LRRC20: variants seen among roughly 807,000 people sequenced by gnomAD.
The protein encoded by LRRC20 is leucine-rich repeat-containing protein 20.
LRRC20 carries 11 observed loss-of-function variants against 14.4 expected under a neutral mutation model. The ratio of observed to expected loss-of-function variants is 0.77; its 90% confidence interval spans 0.48 to 1.27. The LOEUF (loss-of-function observed/expected upper bound fraction) is 1.27. Ranked by LOEUF, LRRC20 falls within the 50% of genes most tolerant of loss-of-function variation. The pLI, the probability that LRRC20 is intolerant of heterozygous loss-of-function variation, is 0.00. For synonymous variants in LRRC20, 121 were observed against 107.3 expected (o/e 1.13, Z -0.79); for missense variants, 219 against 251.2 (o/e 0.87, Z 0.87).
chr10:70,319,984 C>T (rs1235014966), intron 4 of LRRC20, among the ~76,000 whole-genome samples: 1 of 152,154 alleles, frequency 6.6e-6, no homozygotes, highest in African/African-American at 2.4e-5. Context: ...CCCCTTGACC[C>T]ACTCTGCTTC....
intron 4 of LRRC20, among the ~76,000 whole-genome samples, chr10:70,302,279 C>T (rs1254670128): frequency 6.6e-6 from 1 of 151,870 alleles, no homozygotes; most frequent in African/African-American, 2.4e-5. Flanking sequence ...CACCACTGCA[C>T]TCCAGCCTGG....
chr10:70,378,698 G>A (rs1056932692), intron 1 of LRRC20, among the ~76,000 whole-genome samples: 1 of 150,056 alleles, frequency 6.7e-6, no homozygotes, highest in African/African-American at 2.5e-5. Context: ...CTTGAACCCA[G>A]GAGGCAGAGG....
At chr10:70,372,644 A>T (rs192912400) in intron 2 of LRRC20, among the ~76,000 whole-genome samples, 2 of 151,828 alleles carry the variant, frequency 1.3e-5, no homozygotes, top group South Asian at 2.1e-4. Context: ...GGGTTTCACC[A>T]TGTTAGCCAG....
intron 3 of LRRC20, among the ~76,000 whole-genome samples, chr10:70,336,171 T>G (rs1038307405): frequency 1.3e-5 from 2 of 152,160 alleles, no homozygotes; most frequent in African/African-American, 2.4e-5. Context: ...CTGAGCACCT[T>G]GTGAATTTGG....
In LRRC20 at chr10:70,367,631, T is replaced by C. The variant is rs575314407; in HGVS notation, c.82+8821A>G. On this transcript the variant is annotated intron_variant, in intron 2 of 4. Transcript: ENST00000446961. ...TATTTACTCTATCATTCCATTTCCATGATATCCTAGAAAAGGCAAAACCAC... is the reference window on the plus strand; with the variant it reads ...TATTTACTCTATCATTCCATTTCCACGATATCCTAGAAAAGGCAAAACCAC... 9.2e-5 allele frequency among the ~76,000 whole-genome samples: 14 copies of C among 152,168 alleles called. No homozygotes were observed. The East Asian group carries it at 2.5e-3, about 27-fold the overall frequency.
chr10:70,301,269 CTTGG>C lies in LRRC20; in HGVS notation c.*81_*84del. The C allele has an allele frequency of 1.3e-6, 2 of 1,507,844 alleles. No homozygotes were observed. The highest frequency in any genetic ancestry group is 2.0e-5 in the Admixed American group (1 of 49,548). 93.4% of individuals were successfully genotyped at this position (1,507,844 alleles called of 1,614,324 possible). On this transcript the variant is annotated 3_prime_UTR_variant, in exon 5 of 5. Transcript: ENST00000446961. ...GGCCCACCCGCCCCCAGCCCCCAGG[CTTGG>C]CCTCCCATGGGCCTCCCTCCCTTCC...
chr10:70,321,893 C>T (rs1202274613), intron 4 of LRRC20, among the ~76,000 whole-genome samples: 1 of 152,210 alleles, frequency 6.6e-6, no homozygotes, highest in Admixed American at 6.5e-5. Flanking sequence ...AAGTAAGATG[C>T]TTCCACATGT....
chr10:70,366,095 A>AC lies in LRRC20; in HGVS notation c.82+10356_82+10357insG, dbSNP rs1197463289. Among the ~76,000 whole-genome samples, 80 of 148,404 alleles carry AC rather than the reference A, an allele frequency of 5.4e-4. 3 individuals are homozygous for AC. The highest frequency in any genetic ancestry group is 8.5e-4 in the South Asian group (4 of 4,680). ...AAAAAAAAAAAAAAAAACAACAACA[A>AC]AAAACGAATGGATAGCCAACAAGCA... On this transcript the variant is annotated intron_variant, in intron 2 of 4. Coordinates refer to ENST00000446961, the MANE Select transcript of LRRC20 (RefSeq NM_001278212.2).
chr10:70,365,813 G>A (rs1843965763), intron 2 of LRRC20, among the ~76,000 whole-genome samples: 1 of 152,216 alleles, frequency 6.6e-6, no homozygotes, highest in South Asian at 2.1e-4. Flanking sequence ...GCTCACGCCT[G>A]TAATCCCAGC....
At chr10:70,322,759 ACC>A (rs902900745) in intron 4 of LRRC20, among the ~76,000 whole-genome samples, 1 of 152,058 alleles carries the variant, frequency 6.6e-6, no homozygotes, top group African/African-American at 2.4e-5. Flanking sequence ...TCACTGTGCA[ACC>A]CGATGCACTC....
chr10:70,370,735 T>C (rs2137151524), intron 2 of LRRC20, among the ~76,000 whole-genome samples: 1 of 150,688 alleles, frequency 6.6e-6, no homozygotes, highest in East Asian at 2.0e-4. Flanking sequence ...AGAGTGGGAC[T>C]CCATTTCAAA....
chr10:70,338,390 C>G (rs1426361065), intron 3 of LRRC20, among the ~76,000 whole-genome samples: 1 of 152,220 alleles, frequency 6.6e-6, no homozygotes, highest in African/African-American at 2.4e-5. Context: ...TCGGGTCCCT[C>G]ATGCATCATC....
chr10:70,326,951 G>A (rs1589069480), intron 3 of LRRC20, among the ~76,000 whole-genome samples: 1 of 152,186 alleles, frequency 6.6e-6, no homozygotes, highest in Non-Finnish European at 1.5e-5. Flanking sequence ...GAGCCACCGC[G>A]CCCGGCAGAC....
At chr10:70,348,427 C>T (rs1012033960) in intron 2 of LRRC20, among the ~76,000 whole-genome samples, 2 of 152,230 alleles carry the variant, frequency 1.3e-5, no homozygotes, top group Non-Finnish European at 2.9e-5. Flanking sequence ...ATGCTGTATG[C>T]CACACACGGG....
chr10:70,371,785 G>T (rs1844281397), intron 2 of LRRC20, among the ~76,000 whole-genome samples: 1 of 152,166 alleles, frequency 6.6e-6, no homozygotes, highest in Non-Finnish European at 1.5e-5. Context: ...TCAAGCTGAG[G>T]GCCTCCCAGG....
intron 3 of LRRC20, among the ~76,000 whole-genome samples, chr10:70,325,225 G>A (rs907812720): frequency 6.6e-6 from 1 of 152,178 alleles, no homozygotes; most frequent in African/African-American, 2.4e-5. Context: ...CACTTGGGGT[G>A]GAATGCCTTG....
chr10:70,322,640 G>A (rs1842131541), intron 4 of LRRC20, among the ~76,000 whole-genome samples: 1 of 152,114 alleles, frequency 6.6e-6, no homozygotes, highest in African/African-American at 2.4e-5. Context: ...GCATAAGACT[G>A]AACCACAGCC....
chr10:70,321,886 T>A (rs1457259597), intron 4 of LRRC20, among the ~76,000 whole-genome samples: 3 of 152,192 alleles, frequency 2.0e-5, no homozygotes, highest in Admixed American at 2.0e-4. Flanking sequence ...TGGTAAGAAG[T>A]AAGATGCTTC....
chr10:70,357,451 T>A (rs1208292238), intron 2 of LRRC20, among the ~76,000 whole-genome samples: 1 of 152,228 alleles, frequency 6.6e-6, no homozygotes, highest in African/African-American at 2.4e-5. Context: ...CTTAGCACAG[T>A]GCCTGGCAGG....
Sources: gnomAD v4.1 joint callset for allele counts (sites outside exome capture counted in the v4.1 genomes callset) on GRCh38, gnomAD v4.1.1 for gene constraint, MANE v1.5 for transcripts, NCBI Gene and HGNC (gene_info 2026-07-23, HGNC 2026-07-21) for gene names.